The following NBAS variants were observed in gnomAD, a reference collection of about 807,000 sequenced individuals.
NBAS encodes NBAS subunit of NRZ tethering complex.
In NBAS, 219 loss-of-function variants were observed where a neutral mutation model predicts 302.5. That is an observed-to-expected ratio of 0.72 (90% CI 0.65 to 0.81). The LOEUF is 0.81. Among genes scored for constraint, NBAS ranks in the 30% least tolerant of loss-of-function variants. The pLI, the probability that NBAS is intolerant of heterozygous loss-of-function variation, is 0.00. For missense variants in NBAS, 2,932 were observed against 2,841.6 expected (o/e 1.03, Z -0.72); for synonymous variants, 1,118 against 1,021.6 (o/e 1.09, Z -1.80).
the NBAS span, among the ~76,000 whole-genome samples, chr2:15,068,613 A>G: frequency 6.6e-6 from 1 of 152,156 alleles, no homozygotes; most frequent in East Asian, 1.9e-4. Context: ...CAGTTTTAAT[A>G]AATTATATCC....
the NBAS span, among the ~76,000 whole-genome samples, chr2:14,967,682 A>C: frequency 1.3e-5 from 2 of 152,216 alleles, no homozygotes; most frequent in Non-Finnish European, 2.9e-5. Flanking sequence ...TATCAAAAGC[A>C]CAAACAGTAA....
chr2:14,947,584 T>C, the NBAS span, among the ~76,000 whole-genome samples: 1 of 152,080 alleles, frequency 6.6e-6, no homozygotes, highest in Non-Finnish European at 1.5e-5. Flanking sequence ...CCTGTAAACA[T>C]GGCTGGTTTG....
chr2:15,299,489 G>A (rs1981807), intron 40 of NBAS, among the ~76,000 whole-genome samples: 34,711 of 151,950 alleles, frequency 0.23, 4,325 homozygotes, highest in Middle Eastern at 0.37. Flanking sequence ...TAAACAGGTG[G>A]TGTGTTTCCC....
At chr2:15,044,210 T>C in the NBAS span, among the ~76,000 whole-genome samples, 1 of 152,148 alleles carries the variant, frequency 6.6e-6, no homozygotes, top group Non-Finnish European at 1.5e-5. Flanking sequence ...AATGACAGAA[T>C]TTGCATTCTG....
chr2:15,203,653 G>A (rs995977394), intron 48 of NBAS, among the ~76,000 whole-genome samples: 3 of 152,038 alleles, frequency 2.0e-5, no homozygotes, highest in African/African-American at 7.2e-5. Context: ...GACCAAGCAT[G>A]TCCATACTTC....
chr2:14,790,825 G>C, the NBAS span, among the ~76,000 whole-genome samples: 1 of 151,156 alleles, frequency 6.6e-6, no homozygotes, highest in Non-Finnish European at 1.5e-5. Context: ...GTAATTTTGT[G>C]TGTGTGTATG....
At chr2:15,485,585 G>A (rs1253470358) in intron 12 of NBAS, among the ~76,000 whole-genome samples, 1 of 152,194 alleles carries the variant, frequency 6.6e-6, no homozygotes, top group East Asian at 1.9e-4. Context: ...AGGACAAAGT[G>A]CTCAATAAAT....
At chr2:14,822,769 T>C in the NBAS span, among the ~76,000 whole-genome samples, 2 of 152,358 alleles carry the variant, frequency 1.3e-5, no homozygotes, top group East Asian at 1.9e-4. Flanking sequence ...AATGTAAGAT[T>C]GTAGTTTGTT....
At chr2:15,430,125 T>C (rs1045973660) in intron 21 of NBAS, among the ~76,000 whole-genome samples, 6 of 152,170 alleles carry the variant, frequency 3.9e-5, no homozygotes, top group Admixed American at 3.3e-4. Flanking sequence ...AAGTTGAGAT[T>C]TGTATTTCCT....
the NBAS span, among the ~76,000 whole-genome samples, chr2:14,955,833 C>T: frequency 2.6e-5 from 4 of 152,314 alleles, no homozygotes; most frequent in African/African-American, 7.2e-5. Flanking sequence ...CCTACCTCTC[C>T]AGGCCTGTGA....
intron 48 of NBAS, among the ~76,000 whole-genome samples, chr2:15,191,303 A>G (rs543184989): frequency 6.6e-6 from 1 of 152,304 alleles, no homozygotes; most frequent in South Asian, 2.1e-4. Context: ...TTTCCAAAAC[A>G]TTTACTTTAA....
chr2:15,376,608 T>TG (rs1231281938), intron 30 of NBAS, among the ~76,000 whole-genome samples: 16 of 152,138 alleles, frequency 1.1e-4, no homozygotes, highest in Non-Finnish European at 2.1e-4. Context: ...GTGGGGGGAA[T>TG]GGGGGGACTT....
chr2:15,403,412 T>A (rs946295040), intron 25 of NBAS, among the ~76,000 whole-genome samples: 2 of 152,190 alleles, frequency 1.3e-5, no homozygotes, highest in African/African-American at 4.8e-5. Flanking sequence ...CAACCAGCCA[T>A]GTATCCAAAA....
the NBAS span, among the ~76,000 whole-genome samples, chr2:15,046,193 G>T: frequency 6.6e-6 from 1 of 152,158 alleles, no homozygotes; most frequent in Non-Finnish European, 1.5e-5. Flanking sequence ...TGCAAAGGTG[G>T]CAGTAATACT....
At chr2:15,001,264 G>A in the NBAS span, among the ~76,000 whole-genome samples, 1 of 151,904 alleles carries the variant, frequency 6.6e-6, no homozygotes, top group Non-Finnish European at 1.5e-5. Flanking sequence ...GAGAGAGAGA[G>A]ATATGTTATA....
chr2:15,271,235 G>A (rs1669307536), intron 44 of NBAS, among the ~76,000 whole-genome samples: 1 of 152,144 alleles, frequency 6.6e-6, no homozygotes. Flanking sequence ...CCAGGAGGCA[G>A]AACCAAACAG....
chr2:15,464,423 G>A (rs549451709), intron 19 of NBAS, among the ~76,000 whole-genome samples: 14 of 152,152 alleles, frequency 9.2e-5, no homozygotes, highest in African/African-American at 3.4e-4. Flanking sequence ...CCCAGTTACA[G>A]CAGAAAGAAA....
chr2:14,812,988 C>T, the NBAS span, among the ~76,000 whole-genome samples: 1 of 152,130 alleles, frequency 6.6e-6, no homozygotes, highest in Non-Finnish European at 1.5e-5. Context: ...CGCCTTCATT[C>T]TCTCTTACCT....
chr2:15,022,896 T>A, the NBAS span, among the ~76,000 whole-genome samples: 1 of 152,170 alleles, frequency 6.6e-6, no homozygotes, highest in Non-Finnish European at 1.5e-5. Flanking sequence ...GGTATATGAT[T>A]TTATATGAAT....
Sources: allele counts gnomAD v4.1 joint callset (sites outside exome capture counted in the v4.1 genomes callset), GRCh38; gene constraint gnomAD v4.1.1; transcripts MANE v1.5; gene names NCBI Gene and HGNC (gene_info 2026-07-23, HGNC 2026-07-21).